Variants in MTMR11 observed in about 807,000 individuals in gnomAD.
MTMR11 encodes myotubularin related protein 11.
A neutral mutation model predicts 100.0 loss-of-function variants in MTMR11; 89 were observed. The ratio of observed to expected loss-of-function variants is 0.89; its 90% CI spans 0.75 to 1.06. MTMR11 has a LOEUF of 1.06. Among genes scored for constraint, MTMR11 ranks in the 50% least tolerant of loss-of-function variants. The probability of loss-of-function intolerance (pLI) is 0.00; values close to 1 mark genes in which losing one functional copy is unlikely to be tolerated. For missense variants in MTMR11, 809 were observed against 873.7 expected, an observed-to-expected ratio of 0.93 and a Z score of 0.93; for synonymous variants, 336 against 326.3, an observed-to-expected ratio of 1.03 and a Z score of -0.32.
chr1:149,934,769 CCA>C (rs1365304784), intron 5 of MTMR11, among the ~76,000 whole-genome samples: 1 of 152,154 alleles, frequency 6.6e-6, no homozygotes, highest in African/African-American at 2.4e-5. Context: ...GGAAACTTGC[CCA>C]CAGTCACACT....
Position 149,936,635 on chromosome 1 carries a change from C to G in MTMR11, c.13G>C (p.Gly5Arg). 1 of 1,543,192 alleles carries G rather than the reference C, an allele frequency of 6.5e-7. No individual in the cohort carries two copies. ...GCAATGTTGAAACTCTGGCCCCGGC[C>G]CCCCCACCACATTTCTCTGGCTCCA... MWWG[G>R]RGQSFNIAPQ... The change falls in exon 1 of 17, where the codon GGC becomes CGC. Residue 5 changes from glycine (G) to arginine (R), a missense_variant. Physicochemically the swap from Gly to Arg is moderately radical, Grantham distance 125. Transcript: ENST00000439741.
rs3767629 is a variant in MTMR11 at position 149,930,131 on chromosome 1, C to T, written c.1648-215G>A. On this transcript the variant is annotated intron_variant, in intron 15 of 16. Coordinates refer to ENST00000439741, the MANE Select transcript of MTMR11 (RefSeq NM_001145862.2). ...GATTTTAGGGCACCTTATGTGTGCA[C>T]GAGACAGGAAGATGAGTAAACAGAC... 623 of 677,434 alleles carry T rather than the reference C, an allele frequency of 9.2e-4. 12 individuals carry two copies. The East Asian group carries it at 0.016, about 18-fold the overall frequency. The allele number at this position is 677,434 out of a possible 1,614,324, so 42.0% of individuals were successfully genotyped here.
chr1:149,936,312 A>C (rs1004244360), intron 1 of MTMR11, 83 bp from the exon 2 acceptor site: 144 of 1,578,178 alleles, frequency 9.1e-5, no homozygotes, highest in Non-Finnish European at 1.1e-4. Context: ...GTAGAGGCCT[A>C]CACTCACACT....
chr1:149,931,639 T>C, intron 12 of MTMR11: 1 of 587,312 alleles, frequency 1.7e-6, no homozygotes, highest in South Asian at 2.2e-5. Context: ...ATACCCAGTT[T>C]CACATGTAAG....
intron 8 of MTMR11, 55 bp downstream of exon 8, chr1:149,933,800 C>A (rs1189857378): frequency 6.2e-7 from 1 of 1,607,048 alleles, no homozygotes; most frequent in Non-Finnish European, 8.5e-7. Context: ...TCCACGATGT[C>A]CCTGGCCCAC....
chr1:149,934,478 G>C lies in MTMR11; in HGVS notation c.517C>G (p.Gln173Glu). The stretch of plus-strand genomic sequence containing the variant: ...TTGCTCAGGGTTATCCCCGAATACT[G>C]TTGGGCTTGATTGCTCTGAGCTCTG... The part of the protein sequence containing the change: ...QARAQSNQAQ[Q>E]YSGITLSKAG... The change falls in exon 6 of 17, where the codon CAG becomes GAG. Residue 173 changes from glutamine to glutamate, a missense_variant. Physicochemically the swap from Gln to Glu is conservative, Grantham distance 29. Coordinates refer to ENST00000439741, the MANE Select transcript of MTMR11 (RefSeq NM_001145862.2). The C allele has an allele frequency of 6.2e-7, 1 of 1,614,220 alleles. No homozygotes were observed. Among genetic ancestry groups the C allele is most frequent in the Non-Finnish European group, 8.5e-7 (1 of 1,180,046 alleles).
At chr1:149,930,103 G>T in intron 15 of MTMR11, 187 bp from the exon 16 acceptor site, 1 of 735,208 alleles carries the variant, frequency 1.4e-6, no homozygotes, top group Non-Finnish European at 2.2e-6. Context: ...ACTGATTAAG[G>T]TTGATTTTAG....
At chr1:149,935,553 G>A (rs1272525446) in intron 3 of MTMR11, 31 bp downstream of exon 3, 1 of 1,610,092 alleles carries the variant, frequency 6.2e-7, no homozygotes, top group Non-Finnish European at 8.5e-7. Flanking sequence ...TTTCCCACTA[G>A]CTGTCATTTC....
intron 10 of MTMR11, among the ~76,000 whole-genome samples, chr1:149,932,887 G>C (rs2092678196): frequency 6.6e-6 from 1 of 151,494 alleles, no homozygotes; most frequent in Non-Finnish European, 1.5e-5. Flanking sequence ...GGAGTTGGAG[G>C]TTGCAGTGAG....
At position 149,931,351 on chromosome 1, in the gene MTMR11, A is replaced by G. The variant is rs782534836; in HGVS notation, c.1199T>C (p.Leu400Pro). ...CTGTACTAGTGATTGGAAGCCAAAC[A>G]GTGTTCGGGCTTCGGGGGCTGAAAG... ...QLLSAPEART[L>P]FGFQSLVQRE... is the part of the protein sequence containing the mutation. Residue 400 changes from leucine to proline, a missense_variant, in exon 13 of 17, where the codon CTG becomes CCG. Coordinates refer to ENST00000439741, the MANE Select transcript of MTMR11 (RefSeq NM_001145862.2). 1.9e-5 allele frequency: 30 copies of G among 1,613,842 alleles called. No homozygotes were observed. The East Asian group carries it at 2.7e-4, about 14-fold the overall frequency.
intron 1 of MTMR11, 85 bp from the exon 2 acceptor site, chr1:149,936,314 A>G (rs1352593397): frequency 3.8e-6 from 6 of 1,575,058 alleles, no homozygotes; most frequent in East Asian, 4.5e-5. Flanking sequence ...AGAGGCCTAC[A>G]CTCACACTCT....
In MTMR11 at chr1:149,929,692, C is replaced by T. The variant is rs1383779057; in HGVS notation, c.1872G>A (p.Leu624=). 29 of 1,614,000 alleles carry T rather than the reference C, an allele frequency of 1.8e-5. No individual in the cohort carries two copies. Among genetic ancestry groups the T allele is most frequent in the Non-Finnish European group, 2.3e-5 (27 of 1,180,020 alleles). ...GACPLPPGLL[L]PGYLGPQIRL... Reference sequence around the variant, plus strand: ...TGATCTGGGGTCCCAGATACCCAGGCAGCAGCAGCCCTGGAGGTAAAGGGC... The same window carrying T: ...TGATCTGGGGTCCCAGATACCCAGGTAGCAGCAGCCCTGGAGGTAAAGGGC... Residue 624 remains leucine, a synonymous_variant, in exon 16 of 17, where the codon CTG becomes CTA. Transcript: ENST00000439741.
In MTMR11 at chr1:149,934,993, G is replaced by C. The variant is rs1553768693; in HGVS notation, c.461C>G (p.Ala154Gly). 6.2e-7 allele frequency: 1 copy of C among 1,613,732 alleles called. No homozygotes were observed. Among genetic ancestry groups the C allele is most frequent in the Non-Finnish European group, 8.5e-7 (1 of 1,179,992 alleles). ...AGGTTAGGGGCCTCTTACCTGAAAA[G>C]CCTGAGGCTCTAGGCCTCCAGCCTC... ...GFEAGGLEPQ[A>G]FQVTMAIVQA... The change falls in exon 5 of 17, where the codon GCT becomes GGT. Residue 154 changes from alanine to glycine, a missense_variant. By Grantham distance (60) the Ala-to-Gly change is moderately conservative. Coordinates refer to ENST00000439741, the MANE Select transcript of MTMR11 (RefSeq NM_001145862.2).
In MTMR11 at chr1:149,936,869, C is replaced by A; in HGVS notation, c.-222G>T. 1 of 555,992 alleles carries A rather than the reference C, an allele frequency of 1.8e-6. No homozygotes were observed. The allele number at this position is 555,992 out of a possible 1,614,324, so 34.4% of individuals were successfully genotyped here. On this transcript the variant is annotated 5_prime_UTR_variant, in exon 1 of 17. Transcript: ENST00000439741. ...GCCTGAGAAGTCTCCTCGGAAACTT[C>A]AGTCGACTCTGGAGAGGGCGGGAGA...
intron 12 of MTMR11, 53 bp from the exon 13 acceptor site, chr1:149,931,479 G>A: frequency 2.0e-6 from 3 of 1,487,824 alleles, no homozygotes; most frequent in South Asian, 1.3e-5. Flanking sequence ...AGAAACTAGG[G>A]CAGAAGAGAA....
chr1:149,935,188 C>G (rs1343918245), intron 4 of MTMR11, 60 bp from the exon 5 acceptor site: 5 of 1,610,250 alleles, frequency 3.1e-6, no homozygotes, highest in Admixed American at 3.3e-5. Flanking sequence ...AGAAGGGACT[C>G]TTGCAGCCCA....
intron 11 of MTMR11, 65 bp from the exon 12 acceptor site, chr1:149,932,079 T>C: frequency 6.7e-7 from 1 of 1,493,174 alleles, no homozygotes; most frequent in Non-Finnish European, 9.3e-7. Context: ...GTGATTTTGA[T>C]GGGTCATGGG....
In MTMR11 at chr1:149,936,807, A is replaced by G. The variant is rs2092728252; in HGVS notation, c.-160T>C. The G allele has an allele frequency of 1.6e-6, 1 of 640,638 alleles. No individual in the cohort carries two copies. The highest frequency in any genetic ancestry group is 2.8e-6 in the Non-Finnish European group (1 of 362,762). The allele number at this position is 640,638 out of a possible 1,614,324, so 39.7% of individuals were successfully genotyped here. On this transcript the variant is annotated 5_prime_UTR_variant, in exon 1 of 17. Transcript: ENST00000439741. ...AAGGAGCATTTGACGTGCACGGAGC[A>G]GAGTTTGGGGGTCCTTGGAAAGGTG...
rs72692822 is a variant in MTMR11, at chr1:149,935,596, C to A, written c.252G>T (p.Trp84Cys). 6.2e-7 allele frequency: 1 copy of A among 1,613,954 alleles called. No homozygotes were observed. Among genetic ancestry groups the A allele is most frequent in the Non-Finnish European group, 8.5e-7 (1 of 1,179,852 alleles). ...NFRVTFQPCG[W>C]QWNQDTPLNS... ...CCAACCATCTCACCTGATTCCACTG[C>A]CATCCACAGGGCTGGAAGGTGACCC... The change falls in exon 3 of 17, where the codon TGG (tryptophan) becomes TGT (cysteine). Residue 84 changes from tryptophan (W) to cysteine (C), a missense_variant. Physicochemically the swap from Trp to Cys is radical, Grantham distance 215. Transcript: ENST00000439741.
Sources: gnomAD v4.1 joint callset for allele counts (sites outside exome capture counted in the v4.1 genomes callset) on GRCh38, gnomAD v4.1.1 for gene constraint, MANE v1.5 for transcripts, NCBI Gene and HGNC (gene_info 2026-07-23, HGNC 2026-07-21) for gene names.